The following COL24A1 variants were observed in gnomAD, a reference collection of about 807,000 sequenced individuals.
COL24A1 encodes collagen alpha-1(XXIV) chain.
In COL24A1, 224 loss-of-function variants were observed where a neutral mutation model predicts 253.9. That is an observed-to-expected ratio of 0.88 (90% CI 0.79 to 0.99). COL24A1 has a LOEUF of 0.99. Ranked by LOEUF, COL24A1 falls within the 50% of genes least tolerant of loss-of-function variation. COL24A1 has a pLI of 0.00. For synonymous variants in COL24A1, 685 were observed against 673.7 expected, an observed-to-expected ratio of 1.02 and a Z score of -0.26; for missense variants, 2,131 against 2,068.5, an observed-to-expected ratio of 1.03 and a Z score of -0.59.
At chr1:86,133,265 G>T (rs1430594546) in intron 2 of COL24A1, among the ~76,000 whole-genome samples, 1 of 152,024 alleles carries the variant, frequency 6.6e-6, no homozygotes, top group Non-Finnish European at 1.5e-5. Flanking sequence ...AGACGATGGG[G>T]TTTTCTAGAT....
At chr1:86,014,419 T>G (rs188364768) in intron 19 of COL24A1, among the ~76,000 whole-genome samples, 3 of 152,326 alleles carry the variant, frequency 2.0e-5, no homozygotes, top group Admixed American at 6.5e-5. Context: ...TCTGTTACAT[T>G]GCTTCATCTA....
At chr1:85,985,542 T>C (rs1571478997) in intron 20 of COL24A1, among the ~76,000 whole-genome samples, 1 of 151,756 alleles carries the variant, frequency 6.6e-6, no homozygotes, top group South Asian at 2.1e-4. Flanking sequence ...GATTATTCCA[T>C]CTGCAGCTGG....
intron 2 of COL24A1, among the ~76,000 whole-genome samples, chr1:86,132,009 C>A (rs1178264905): frequency 6.6e-6 from 1 of 152,076 alleles, no homozygotes; most frequent in Non-Finnish European, 1.5e-5. Context: ...TTCTCTACAT[C>A]CTCCTCTCCA....
chr1:85,983,766 T>C (rs1693463256), intron 20 of COL24A1, among the ~76,000 whole-genome samples: 1 of 151,860 alleles, frequency 6.6e-6, no homozygotes, highest in Non-Finnish European at 1.5e-5. Context: ...TTTTCCCCTC[T>C]GTTTCTAGAA....
At chr1:85,838,528 T>A in intron 43 of COL24A1, 57 bp downstream of exon 43, 2 of 1,477,120 alleles carry the variant, frequency 1.4e-6, no homozygotes, top group Non-Finnish European at 1.9e-6. Context: ...AAAAATGGAA[T>A]AGAAACACAG....
At chr1:85,781,860 T>G (rs1244452840) in intron 51 of COL24A1, among the ~76,000 whole-genome samples, 2 of 152,192 alleles carry the variant, frequency 1.3e-5, no homozygotes, top group Non-Finnish European at 2.9e-5. Context: ...GAAGATAACC[T>G]TGAATAAGCT....
chr1:86,093,833 T>C (rs965347877), intron 5 of COL24A1, among the ~76,000 whole-genome samples: 3 of 151,982 alleles, frequency 2.0e-5, no homozygotes, highest in African/African-American at 7.2e-5. Flanking sequence ...GCAAGGGATA[T>C]GAAAAGAAAC....
Position 85,761,395 on chromosome 1 carries a change from C to A in COL24A1, c.4437+1G>T. The A allele has an allele frequency of 6.2e-7, 1 of 1,613,982 alleles. No homozygotes were observed. Among genetic ancestry groups the A allele is most frequent in the Non-Finnish European group, 8.5e-7 (1 of 1,179,948 alleles). On this transcript the variant is annotated splice_donor_variant, in intron 55 of 59. Coordinates refer to ENST00000370571, the MANE Select transcript of COL24A1 (RefSeq NM_152890.7). LOFTEE classifies it high-confidence loss of function. ...AACAAAATCAAACCAAGCAAACTTA[C>A]TCTTGGGCCTGGTGCTCCAGGTGGA...
intron 5 of COL24A1, 30 bp downstream of exon 5, chr1:86,112,537 G>A (rs1161367589): frequency 1.9e-6 from 3 of 1,597,700 alleles, no homozygotes; most frequent in Non-Finnish European, 2.6e-6. Flanking sequence ...ATACTCATTA[G>A]CTTAAGTTGC....
chr1:85,898,999 A>C (rs1190293312), intron 28 of COL24A1, among the ~76,000 whole-genome samples: 5 of 152,170 alleles, frequency 3.3e-5, no homozygotes, highest in Admixed American at 3.3e-4. Context: ...CATGCTTAGA[A>C]TATTCAATAA....
intron 53 of COL24A1, among the ~76,000 whole-genome samples, chr1:85,773,034 G>T (rs962080017): frequency 6.6e-6 from 1 of 152,052 alleles, no homozygotes; most frequent in East Asian, 1.9e-4. Context: ...TCCATCTTGA[G>T]TGGATTTTTG....
At chr1:85,832,231 G>A (rs1359388463) in intron 43 of COL24A1, among the ~76,000 whole-genome samples, 4 of 151,988 alleles carry the variant, frequency 2.6e-5, no homozygotes, top group African/African-American at 9.7e-5. Flanking sequence ...AAGATCAGAT[G>A]GTTGTAGATA....
chr1:86,013,598 G>A (rs600184), intron 19 of COL24A1, among the ~76,000 whole-genome samples: 47,349 of 152,068 alleles, frequency 0.31, 7,897 homozygotes, highest in Middle Eastern at 0.51. Context: ...CATTTTGGGA[G>A]GCCAAGGCAG....
At chr1:86,113,436 T>C (rs1408180005) in intron 4 of COL24A1, among the ~76,000 whole-genome samples, 1 of 152,200 alleles carries the variant, frequency 6.6e-6, no homozygotes, top group Non-Finnish European at 1.5e-5. Context: ...TAATTATTTG[T>C]CTTTTTAATT....
At chr1:85,971,640 C>T (rs1350562412) in intron 20 of COL24A1, among the ~76,000 whole-genome samples, 1 of 152,168 alleles carries the variant, frequency 6.6e-6, no homozygotes, top group African/African-American at 2.4e-5. Flanking sequence ...CTTCAACCTC[C>T]AGACACCTTT....
chr1:86,048,864 T>C (rs1020114324), intron 11 of COL24A1, among the ~76,000 whole-genome samples: 1 of 152,190 alleles, frequency 6.6e-6, no homozygotes, highest in African/African-American at 2.4e-5. Context: ...TGATGGCCAG[T>C]GTCAACACTG....
In COL24A1 at chr1:86,115,333, C is replaced by T; in HGVS notation, c.1537G>A (p.Gly513Ser). 1.2e-6 allele frequency: 2 copies of T among 1,613,894 alleles called. No homozygotes were observed. Among genetic ancestry groups the T allele is most frequent in the Non-Finnish European group, 1.7e-6 (2 of 1,179,870 alleles). The stretch of plus-strand genomic sequence containing the variant: ...ATAGCCCATCTACTTACCCGTGGAC[C>T]TCTCTTCCCTGACGGACCTGGGATA... ...AGIPGPSGKR[G>S]PRGIPGPHGN... Residue 513 changes from glycine (G) to serine (S), a missense_variant, in exon 4 of 60, where the codon GGT (glycine) becomes AGT (serine). Transcript: ENST00000370571.
intron 43 of COL24A1, among the ~76,000 whole-genome samples, chr1:85,829,773 T>G (rs1242008212): frequency 2.6e-5 from 4 of 152,044 alleles, no homozygotes; most frequent in Non-Finnish European, 5.9e-5. Context: ...TTCAGCTCCA[T>G]CAGCTCCTTT....
At chr1:86,039,221 C>T (rs927445389) in intron 12 of COL24A1, among the ~76,000 whole-genome samples, 1 of 152,096 alleles carries the variant, frequency 6.6e-6, no homozygotes, top group Non-Finnish European at 1.5e-5. Context: ...TGTTATCAAA[C>T]ATGGTAGTTA....
Sources: gnomAD v4.1 joint callset for allele counts (sites outside exome capture counted in the v4.1 genomes callset) on GRCh38, gnomAD v4.1.1 for gene constraint, MANE v1.5 for transcripts, NCBI Gene and HGNC (gene_info 2026-07-23, HGNC 2026-07-21) for gene names.